The following GUCY1A2 variants were observed in gnomAD, a reference collection of about 807,000 sequenced individuals.
GUCY1A2 encodes guanylate cyclase 1 soluble subunit alpha 2, also known as guanylate cyclase soluble subunit alpha-2.
A neutral mutation model predicts 63.5 loss-of-function variants in GUCY1A2; 27 were observed. The observed-to-expected ratio is 0.43, with a 90% CI of 0.31 to 0.59. GUCY1A2 has a LOEUF of 0.59. GUCY1A2 is among the 20% of genes least tolerant of loss of function. The probability of loss-of-function intolerance (pLI) is 0.11; values close to 1 mark genes in which losing one functional copy is unlikely to be tolerated. For synonymous variants in GUCY1A2, 364 were observed against 343.5 expected, an observed-to-expected ratio of 1.06 and a Z score of -0.66; for missense variants, 768 against 913.3, an observed-to-expected ratio of 0.84 and a Z score of 2.05.
At chr11:106,938,352 G>A (rs184854831) in intron 4 of GUCY1A2, among the ~76,000 whole-genome samples, 30 of 152,208 alleles carry the variant, frequency 2.0e-4, no homozygotes, top group African/African-American at 6.5e-4. Flanking sequence ...CAAGTTAAGC[G>A]CTGCTTTCAG....
At chr11:106,931,125 C>T (rs1487296739) in intron 4 of GUCY1A2, among the ~76,000 whole-genome samples, 1 of 152,046 alleles carries the variant, frequency 6.6e-6, no homozygotes, top group Non-Finnish European at 1.5e-5. Context: ...CTTTTAAAGA[C>T]AATATCATAT....
intron 4 of GUCY1A2, among the ~76,000 whole-genome samples, chr11:106,837,378 T>C (rs1261093063): frequency 1.3e-5 from 2 of 152,058 alleles, no homozygotes; most frequent in African/African-American, 2.4e-5. Flanking sequence ...ACCACATTTC[T>C]TTATCCAATC....
At chr11:106,931,669 C>A (rs1370581446) in intron 4 of GUCY1A2, among the ~76,000 whole-genome samples, 1 of 152,140 alleles carries the variant, frequency 6.6e-6, no homozygotes, top group Non-Finnish European at 1.5e-5. Context: ...AATTAACAAT[C>A]TGCTGATGCA....
At position 106,940,076 on chromosome 11, in the gene GUCY1A2, T is replaced by C; in HGVS notation, c.590A>G (p.Gln197Arg). ...RVLRAVGGTL[Q>R]DFFNGFDALL... The stretch of plus-strand genomic sequence containing the variant: ...AGCATCAAAGCCGTTAAAAAAGTCC[T>C]GCAAAGTGCCACCTACAGCTCGAAG... Residue 197 changes from glutamine (Q) to arginine (R), a missense_variant, in exon 4 of 8, where the codon CAG (glutamine) becomes CGG (arginine). Physicochemically the swap from Gln to Arg is conservative, Grantham distance 43. Around this residue, in one of 3 missense-constraint regions of GUCY1A2, gnomAD observed 496 missense variants for 486.9 expected, o/e 1.02. Coordinates refer to ENST00000526355, the MANE Select transcript of GUCY1A2 (RefSeq NM_000855.3). 1 of 1,613,548 alleles carries C rather than the reference T, an allele frequency of 6.2e-7. No individual in the cohort carries two copies. Among genetic ancestry groups the C allele is most frequent in the Non-Finnish European group, 8.5e-7 (1 of 1,179,440 alleles).
At chr11:106,735,287 TCCTTTCCAGTAC>T (rs1248222152) in intron 6 of GUCY1A2, among the ~76,000 whole-genome samples, 2 of 152,114 alleles carry the variant, frequency 1.3e-5, no homozygotes, top group Non-Finnish European at 2.9e-5. Context: ...TTTTCCTCTC[TCCTTTCCAGTAC>T]CCTTTCCAGT....
At chr11:106,768,364 AACTT>A (rs1444169831) in intron 6 of GUCY1A2, among the ~76,000 whole-genome samples, 3 of 152,114 alleles carry the variant, frequency 2.0e-5, no homozygotes, top group Non-Finnish European at 2.9e-5. Context: ...TAAAATAGAG[AACTT>A]ACTTCTACTT....
chr11:106,822,889 T>C (rs913534709), intron 4 of GUCY1A2, among the ~76,000 whole-genome samples: 7 of 152,264 alleles, frequency 4.6e-5, no homozygotes, highest in African/African-American at 9.6e-5. Context: ...GTTGAAGGCA[T>C]TGGAATGTAT....
chr11:106,809,791 C>T (rs1269360220), intron 5 of GUCY1A2, among the ~76,000 whole-genome samples: 1 of 142,136 alleles, frequency 7.0e-6, no homozygotes, highest in Non-Finnish European at 1.6e-5. Context: ...TATCATGATT[C>T]TTCACAGTTA....
chr11:106,988,126 C>T (rs755733377), intron 1 of GUCY1A2, among the ~76,000 whole-genome samples: 15 of 152,140 alleles, frequency 9.9e-5, no homozygotes, highest in African/African-American at 2.4e-4. Flanking sequence ...CATTCCTGAA[C>T]GAAGAGGCAA....
At chr11:106,725,104 A>C (rs1863381687) in intron 6 of GUCY1A2, among the ~76,000 whole-genome samples, 1 of 151,078 alleles carries the variant, frequency 6.6e-6, no homozygotes, top group Non-Finnish European at 1.5e-5. Flanking sequence ...GTAGAGAACA[A>C]CTCAGATATT....
At chr11:106,873,535 T>C (rs1859709070) in intron 4 of GUCY1A2, among the ~76,000 whole-genome samples, 1 of 152,222 alleles carries the variant, frequency 6.6e-6, no homozygotes, top group Non-Finnish European at 1.5e-5. Context: ...GTTGAACTTT[T>C]TTCATATGTT....
intron 1 of GUCY1A2, among the ~76,000 whole-genome samples, chr11:107,003,074 A>G (rs1391736386): frequency 1.3e-5 from 2 of 152,238 alleles, no homozygotes; most frequent in Non-Finnish European, 2.9e-5. Context: ...TTTACCTTCA[A>G]ACATGAATTT....
intron 4 of GUCY1A2, among the ~76,000 whole-genome samples, chr11:106,855,769 T>G (rs1859421168): frequency 1.3e-5 from 2 of 152,176 alleles, no homozygotes; most frequent in South Asian, 4.1e-4. Context: ...TCTATATTTA[T>G]AGCAGTACCA....
In GUCY1A2 at chr11:106,681,630, A is replaced by G. The variant is rs1862435989; in HGVS notation, c.*5919T>C. On this transcript the variant is annotated 3_prime_UTR_variant, in exon 8 of 8. Transcript: ENST00000526355. ...GATTAAACATGTCATTTGCCCGAATATTTTTAATCTGAGTCATTACTTGCT... is the reference window on the plus strand; with the variant it reads ...GATTAAACATGTCATTTGCCCGAATGTTTTTAATCTGAGTCATTACTTGCT... The G allele has an allele frequency of 4.5e-6, 1 of 222,904 alleles. No homozygotes were observed. The highest frequency in any genetic ancestry group is 5.8e-5 in the Admixed American group (1 of 17,380). The allele number at this position is 222,904 out of a possible 1,614,324, so 13.8% of individuals were successfully genotyped here. A position where few individuals can be genotyped will look rare whatever the true frequency, so the allele number is the denominator to read the frequency against.
chr11:106,924,730 C>T (rs982638757), intron 4 of GUCY1A2, among the ~76,000 whole-genome samples: 1 of 152,136 alleles, frequency 6.6e-6, no homozygotes, highest in Non-Finnish European at 1.5e-5. Flanking sequence ...CATCGCCCAG[C>T]TTGGTGGCTC....
intron 7 of GUCY1A2, among the ~76,000 whole-genome samples, chr11:106,700,030 G>A (rs1399141868): frequency 4.6e-5 from 7 of 151,878 alleles, no homozygotes; most frequent in Admixed American, 1.3e-4. Context: ...TGATCCGCCC[G>A]CCTCGGCCTC....
At chr11:106,688,620 G>A (rs1055347209) in intron 7 of GUCY1A2, among the ~76,000 whole-genome samples, 4 of 151,816 alleles carry the variant, frequency 2.6e-5, no homozygotes, top group Non-Finnish European at 5.9e-5. Flanking sequence ...CAGAATAAAA[G>A]AATTTTTAAA....
intron 6 of GUCY1A2, among the ~76,000 whole-genome samples, chr11:106,759,617 C>A (rs1045467452): frequency 1.2e-4 from 19 of 152,180 alleles, no homozygotes; most frequent in African/African-American, 4.6e-4. Flanking sequence ...ACCCCCCAAT[C>A]CAATATGACT....
chr11:107,004,928 G>A (rs1861653674), intron 1 of GUCY1A2, among the ~76,000 whole-genome samples: 2 of 152,178 alleles, frequency 1.3e-5, no homozygotes, highest in East Asian at 3.9e-4. Flanking sequence ...AGTATATAGA[G>A]TACAAGATGA....
Sources: gnomAD v4.1 joint callset for allele counts (sites outside exome capture counted in the v4.1 genomes callset) on GRCh38, gnomAD v4.1.1 for gene constraint, gnomAD v4.1.1 regional missense constraint, MANE v1.5 for transcripts, NCBI Gene and HGNC (gene_info 2026-07-23, HGNC 2026-07-21) for gene names.